Variants in MORC1 observed in about 807,000 individuals in gnomAD.
The protein encoded by MORC1 is MORC family CW-type zinc finger protein 1.
In MORC1, 59 loss-of-function variants were observed where a neutral mutation model predicts 134.9. The observed-to-expected ratio is 0.44, with a 90% CI of 0.35 to 0.54. The LOEUF (loss-of-function observed/expected upper bound fraction) is 0.54. MORC1 is among the 20% of genes least tolerant of loss of function. MORC1 has a pLI of 0.00. For synonymous variants in MORC1, 395 were observed against 391.7 expected (o/e 1.01, Z -0.10); for missense variants, 947 against 1,134.5 (o/e 0.83, Z 2.37).
At chr3:109,105,108 T>C (rs1254190854) in intron 3 of MORC1, among the ~76,000 whole-genome samples, 1 of 152,100 alleles carries the variant, frequency 6.6e-6, no homozygotes, top group Non-Finnish European at 1.5e-5. Flanking sequence ...AGAGACTGGA[T>C]GTGGTAGCTC....
At chr3:109,103,973 A>C (rs888835805) in intron 3 of MORC1, 56 bp from the exon 4 acceptor site, 2 of 1,431,968 alleles carry the variant, frequency 1.4e-6, no homozygotes, top group African/African-American at 2.8e-5. Flanking sequence ...GTTAGTCAGA[A>C]AGTCATGCTG....
intron 20 of MORC1, among the ~76,000 whole-genome samples, chr3:109,002,380 A>G (rs529615940): frequency 6.6e-6 from 1 of 152,262 alleles, no homozygotes; most frequent in South Asian, 2.1e-4. Flanking sequence ...CCATCAGCCA[A>G]TGTTGGGCAA....
intron 4 of MORC1, among the ~76,000 whole-genome samples, chr3:109,103,107 A>G (rs1028604839): frequency 1.3e-5 from 2 of 152,164 alleles, no homozygotes; most frequent in Non-Finnish European, 2.9e-5. Context: ...TGTGGAACTG[A>G]CCATGGCAGT....
chr3:109,051,415 T>G (rs1308745704), intron 14 of MORC1, among the ~76,000 whole-genome samples: 1 of 152,344 alleles, frequency 6.6e-6, no homozygotes, highest in Admixed American at 6.5e-5. Context: ...TAACTTTGGT[T>G]ATTCCTGTGG....
chr3:109,067,317 T>C (rs1300192094), intron 9 of MORC1, among the ~76,000 whole-genome samples: 3 of 152,146 alleles, frequency 2.0e-5, no homozygotes, highest in Admixed American at 2.0e-4. Flanking sequence ...ACTCCAAGAA[T>C]TATAGACTTA....
rs758857245 is a variant in MORC1 at position 108,986,900 on chromosome 3, T to C, written c.2237A>G (p.Glu746Gly). 9.5e-6 allele frequency: 15 copies of C among 1,572,314 alleles called. No individual in the cohort carries two copies. Among genetic ancestry groups the C allele is most frequent in the Admixed American group, 1.9e-5 (1 of 51,410 alleles). Residue 746 changes from glutamate (E) to glycine (G), a missense_variant, in exon 22 of 28, where the codon GAA becomes GGA. By Grantham distance (98) the Glu-to-Gly change is moderately conservative (BLOSUM62 -2). Coordinates refer to ENST00000232603, the MANE Select transcript of MORC1 (RefSeq NM_014429.4). ...TDVSLKQEKKEIPLLNQEKQE... is the reference protein window; with the variant it reads ...TDVSLKQEKKGIPLLNQEKQE... ...TTTACCTTGGTTTAAAAGAGGAATTTCCTTTTTTTCTTGTTTCAATGAAAC... is the reference window on the plus strand; with the variant it reads ...TTTACCTTGGTTTAAAAGAGGAATTCCCTTTTTTTCTTGTTTCAATGAAAC...
At chr3:109,066,621 A>G (rs993661607) in intron 9 of MORC1, among the ~76,000 whole-genome samples, 5 of 152,184 alleles carry the variant, frequency 3.3e-5, no homozygotes, top group African/African-American at 1.2e-4. Context: ...CCAAATGTCC[A>G]ATGCCTACAA....
intron 13 of MORC1, among the ~76,000 whole-genome samples, chr3:109,055,252 CCTTT>C (rs1323271858): frequency 2.0e-5 from 3 of 152,164 alleles, no homozygotes; most frequent in Non-Finnish European, 4.4e-5. Context: ...CCAGAGAACC[CCTTT>C]CTTTCTCCGC....
At chr3:108,965,186 C>T (rs1215427286) in intron 26 of MORC1, among the ~76,000 whole-genome samples, 1 of 152,064 alleles carries the variant, frequency 6.6e-6, no homozygotes, top group Non-Finnish European at 1.5e-5. Flanking sequence ...TTTTGCCATG[C>T]TGAATAACAG....
intron 9 of MORC1, among the ~76,000 whole-genome samples, chr3:109,066,185 A>G (rs1950191662): frequency 6.6e-6 from 1 of 152,212 alleles, no homozygotes; most frequent in Admixed American, 6.5e-5. Flanking sequence ...AAATTTAAAA[A>G]AAAGAATTAC....
rs182201350 is a variant in MORC1 at position 109,016,588 on chromosome 3, C to A, written c.1705-9497G>T. Among the ~76,000 whole-genome samples the A allele has an allele frequency of 1.7e-3, 254 of 152,254 alleles. 2 individuals carry two copies. The highest frequency in any genetic ancestry group is 5.4e-3 in the African/African-American group (223 of 41,546). ...TACATGAAAAAGGTCCCAGGCCGGG[C>A]GCAGTGGCTCATGCCTGTAATCCCA... On this transcript the variant is annotated intron_variant, in intron 17 of 27. Transcript: ENST00000232603.
Position 109,099,421 on chromosome 3 carries a change from C to T in MORC1, c.360G>A (p.Lys120=), listed in dbSNP as rs1162549554. The T allele has an allele frequency of 6.2e-7, 1 of 1,613,194 alleles. No homozygotes were observed. Among genetic ancestry groups the T allele is most frequent in the Non-Finnish European group, 8.5e-7 (1 of 1,179,680 alleles). The change falls in exon 6 of 28, where the codon AAG becomes AAA. Residue 120 remains lysine, a synonymous_variant. Transcript: ENST00000232603. Reference sequence around the variant, plus strand: ...AAAACACACAGGTCATCGTTTCTTCCTTCTTCGTAAAAAGAATAAAGTCTT... The same window carrying T: ...AAAACACACAGGTCATCGTTTCTTCTTTCTTCGTAAAAAGAATAAAGTCTT... ...IGKDFILFTK[K]EETMTCVFFS...
At chr3:108,973,992 T>G (rs2107410807) in intron 24 of MORC1, among the ~76,000 whole-genome samples, 1 of 152,300 alleles carries the variant, frequency 6.6e-6, no homozygotes, top group South Asian at 2.1e-4. Context: ...ACTCTTTGAT[T>G]GAGGAATTAT....
chr3:108,993,250 C>G (rs1467333388), intron 21 of MORC1, among the ~76,000 whole-genome samples: 1 of 152,170 alleles, frequency 6.6e-6, no homozygotes, highest in Non-Finnish European at 1.5e-5. Flanking sequence ...AAATGTCTAA[C>G]ATAGTATTGT....
chr3:109,011,960 T>A (rs985489998), intron 17 of MORC1, among the ~76,000 whole-genome samples: 3 of 152,230 alleles, frequency 2.0e-5, no homozygotes, highest in Non-Finnish European at 4.4e-5. Context: ...TTAATTTTGA[T>A]GAGGTACAAT....
At chr3:109,000,868 TA>T (rs1948386118) in intron 20 of MORC1, among the ~76,000 whole-genome samples, 1 of 152,224 alleles carries the variant, frequency 6.6e-6, no homozygotes. Context: ...CTTAGGTTAA[TA>T]TTAAAATTAA....
intron 14 of MORC1, among the ~76,000 whole-genome samples, chr3:109,041,411 A>C (rs1482423453): frequency 1.3e-5 from 2 of 151,798 alleles, no homozygotes; most frequent in Admixed American, 6.6e-5. Context: ...ACAACAACAA[A>C]AAAATATTGA....
chr3:109,099,380 C>A lies in MORC1; in HGVS notation c.401G>T (p.Cys134Phe), dbSNP rs752097197. 6.2e-7 allele frequency: 1 copy of A among 1,611,166 alleles called. No individual in the cohort carries two copies. Among genetic ancestry groups the A allele is most frequent in the African/African-American group, 1.3e-5 (1 of 74,746 alleles). ...TACCTCACTAAGACTTTCTTCTTCA[C>A]AGAATGTCTGAGAAAAAAACACACA... Reference protein sequence around the residue: ...MTCVFFSQTFCEEESLSEVVV... With the variant: ...MTCVFFSQTFFEEESLSEVVV... Residue 134 changes from cysteine (C) to phenylalanine (F), a missense_variant, in exon 6 of 28, where the codon TGT becomes TTT. Cys to Phe is a radical substitution (Grantham distance 205). This residue lies in a region of MORC1 where 214 missense variants were observed against 281.3 expected (regional missense o/e 0.76). Coordinates refer to ENST00000232603, the MANE Select transcript of MORC1 (RefSeq NM_014429.4).
intron 16 of MORC1, among the ~76,000 whole-genome samples, chr3:109,032,297 C>A (rs1949258580): frequency 6.6e-6 from 1 of 152,032 alleles, no homozygotes; most frequent in African/African-American, 2.4e-5. Context: ...GAACTTTTTC[C>A]TCCAAGAGTG....
Sources: gnomAD v4.1 joint callset for allele counts (sites outside exome capture counted in the v4.1 genomes callset) on GRCh38, gnomAD v4.1.1 for gene constraint, gnomAD v4.1.1 regional missense constraint, MANE v1.5 for transcripts, NCBI Gene and HGNC (gene_info 2026-07-23, HGNC 2026-07-21) for gene names.